FLT1: variants seen among roughly 807,000 people sequenced by gnomAD.
FLT1 encodes the protein vascular endothelial growth factor receptor 1.
A neutral mutation model predicts 156.3 loss-of-function variants in FLT1; 49 were observed. The ratio of observed to expected loss-of-function variants is 0.31; its 90% CI spans 0.25 to 0.40. FLT1 has a LOEUF of 0.40. Among genes scored for constraint, FLT1 ranks in the 10% least tolerant of loss-of-function variants. The pLI is 1.00. For missense variants in FLT1, 1,322 were observed against 1,637.2 expected, an observed-to-expected ratio of 0.81 and a Z score of 3.32; for synonymous variants, 594 against 583.8, an observed-to-expected ratio of 1.02 and a Z score of -0.25.
chr13:28,413,590 T>C (rs1207606829), intron 10 of FLT1, among the ~76,000 whole-genome samples: 1 of 152,142 alleles, frequency 6.6e-6, no homozygotes, highest in African/African-American at 2.4e-5. Context: ...GGAAGGGTGA[T>C]TTGAGAAATA....
chr13:28,393,508 G>A (rs1296308618), intron 12 of FLT1, among the ~76,000 whole-genome samples: 3 of 152,128 alleles, frequency 2.0e-5, no homozygotes, highest in South Asian at 2.1e-4. Context: ...GAGTCGAAGC[G>A]GTCAAGGATT....
Position 28,306,728 on chromosome 13 carries a change from C to T in FLT1, c.3765G>A (p.Leu1255=). 6 of 1,614,002 alleles carry T rather than the reference C, an allele frequency of 3.7e-6. No homozygotes were observed. Among genetic ancestry groups the T allele is most frequent in the Non-Finnish European group, 4.2e-6 (5 of 1,179,912 alleles). The change falls in exon 29 of 30, where the codon CTG becomes CTA. Residue 1255 remains leucine (L), a synonymous_variant. Transcript: ENST00000282397. ...DSSTLLASPM[L]KRFTWTDSKP... ...TGCTGTCAGTCCAGGTGAAGCGCTTCAGCATGGGAGAGGCCAACAGAGTGC... is the reference window on the plus strand; with the variant it reads ...TGCTGTCAGTCCAGGTGAAGCGCTTTAGCATGGGAGAGGCCAACAGAGTGC...
At chr13:28,395,685 C>T (rs568179892) in intron 12 of FLT1, among the ~76,000 whole-genome samples, 1 of 152,262 alleles carries the variant, frequency 6.6e-6, no homozygotes, top group Admixed American at 6.5e-5. Context: ...AAAGCAAGCT[C>T]ACCTGTCACA....
chr13:28,366,614 C>T (rs9513091), intron 14 of FLT1, among the ~76,000 whole-genome samples: 79,232 of 151,746 alleles, frequency 0.52, 22,879 homozygotes, highest in Middle Eastern at 0.64. Context: ...GGATTACAGG[C>T]GCCTGCCACC....
At chr13:28,335,276 T>C (rs1217221871) in intron 17 of FLT1, among the ~76,000 whole-genome samples, 1 of 152,120 alleles carries the variant, frequency 6.6e-6, no homozygotes, top group Non-Finnish European at 1.5e-5. Flanking sequence ...CACTGGTTGG[T>C]TAAAACTATT....
At chr13:28,330,588 C>CTA (rs3029492) in intron 18 of FLT1, among the ~76,000 whole-genome samples, 3,000 of 142,334 alleles carry the variant, frequency 0.021, 37 homozygotes, top group Non-Finnish European at 0.022. Context: ...ATCAGAGGTC[C>CTA]TATATATATA....
chr13:28,475,705 A>AAAAAGTT (rs1292105597), intron 1 of FLT1, among the ~76,000 whole-genome samples: 4 of 152,236 alleles, frequency 2.6e-5, no homozygotes, highest in African/African-American at 9.6e-5. Context: ...ACTTAATAAA[A>AAAAAGTT]AAAAGTTAAC....
At chr13:28,425,987 C>T (rs1242228180) in intron 10 of FLT1, among the ~76,000 whole-genome samples, 1 of 152,144 alleles carries the variant, frequency 6.6e-6, no homozygotes, top group South Asian at 2.1e-4. Flanking sequence ...CCAGGAATTC[C>T]ATAGCTCACC....
chr13:28,309,057 GC>G (rs1307972714), intron 27 of FLT1, 130 bp from the exon 28 acceptor site: 1 of 664,580 alleles, frequency 1.5e-6, no homozygotes, highest in African/African-American at 1.8e-5. Flanking sequence ...AACTCCTGAG[GC>G]CCCGATCTCC....
In FLT1 at chr13:28,375,882, T is replaced by C. The variant is rs960594863; in HGVS notation, c.2116+9003A>G. Reference sequence around the variant, plus strand: ...CTTCATTCATTGTGTACCGTAAGGATAGATTTCATGAGAAGGAAAAGGCAA... The same window carrying C: ...CTTCATTCATTGTGTACCGTAAGGACAGATTTCATGAGAAGGAAAAGGCAA... On this transcript the variant is annotated intron_variant, in intron 14 of 29. Transcript: ENST00000282397. Among the ~76,000 whole-genome samples the C allele has an allele frequency of 1.3e-3, 200 of 152,344 alleles. 4 individuals are homozygous for C. The highest frequency in any genetic ancestry group is 4.0e-4 in the Non-Finnish European group (27 of 68,034).
chr13:28,379,153 G>A (rs1873969273), intron 14 of FLT1, among the ~76,000 whole-genome samples: 1 of 152,058 alleles, frequency 6.6e-6, no homozygotes, highest in Non-Finnish European at 1.5e-5. Context: ...GACCAGCCTG[G>A]CCAACATGGT....
intron 3 of FLT1, among the ~76,000 whole-genome samples, chr13:28,440,557 G>A (rs1451116531): frequency 1.3e-5 from 2 of 152,198 alleles, no homozygotes; most frequent in African/African-American, 4.8e-5. Flanking sequence ...GTACTGCATA[G>A]TGTTGGAGAA....
intron 3 of FLT1, among the ~76,000 whole-genome samples, chr13:28,453,374 C>T (rs970118762): frequency 1.2e-4 from 18 of 152,064 alleles, no homozygotes; most frequent in African/African-American, 4.1e-4. Context: ...CTACCTGCCT[C>T]GGCCTCCCCA....
At chr13:28,395,091 T>C (rs963442131) in intron 12 of FLT1, among the ~76,000 whole-genome samples, 1 of 152,166 alleles carries the variant, frequency 6.6e-6, no homozygotes, top group African/African-American at 2.4e-5. Flanking sequence ...GCTGCCACAA[T>C]CTGCTCTGGA....
chr13:28,451,562 G>C (rs1878939051), intron 3 of FLT1, among the ~76,000 whole-genome samples: 1 of 152,234 alleles, frequency 6.6e-6, no homozygotes, highest in Non-Finnish European at 1.5e-5. Context: ...TGGGGACAGT[G>C]GGTTTTCCGA....
chr13:28,437,720 A>C (rs1465109130), intron 4 of FLT1, among the ~76,000 whole-genome samples: 1 of 152,126 alleles, frequency 6.6e-6, no homozygotes, highest in African/African-American at 2.4e-5. Context: ...CTAAGAGATG[A>C]AGTTTGGGTG....
intron 12 of FLT1, among the ~76,000 whole-genome samples, chr13:28,394,853 G>T (rs1402158849): frequency 2.6e-5 from 4 of 152,130 alleles, no homozygotes; most frequent in Non-Finnish European, 5.9e-5. Context: ...CTGCTTCTAG[G>T]TTGGCTCTTC....
rs180771119 is a variant in FLT1 at position 28,434,240 on chromosome 13, C to T, written c.514-20G>A. The T allele has an allele frequency of 1.8e-4, 290 of 1,612,876 alleles. No individual in the cohort carries two copies. In the African/African-American group the frequency reaches 3.0e-3, roughly 17 times the overall value. Reference sequence around the variant, plus strand: ...TGGAAACTGAAAAGGAAGAGGCATGCATTAACAAGGTCCTATTAGCACTGG... The same window carrying T: ...TGGAAACTGAAAAGGAAGAGGCATGTATTAACAAGGTCCTATTAGCACTGG... On this transcript the variant is annotated intron_variant, in intron 4 of 29. Transcript: ENST00000282397.
At chr13:28,429,826 G>C (rs1474793580) in intron 8 of FLT1, among the ~76,000 whole-genome samples, 1 of 152,086 alleles carries the variant, frequency 6.6e-6, no homozygotes, top group African/African-American at 2.4e-5. Flanking sequence ...AGACTGAAGC[G>C]AGCACTCAAA....
Sources: allele counts gnomAD v4.1 joint callset (sites outside exome capture counted in the v4.1 genomes callset), GRCh38; gene constraint gnomAD v4.1.1; transcripts MANE v1.5; gene names NCBI Gene and HGNC (gene_info 2026-07-23, HGNC 2026-07-21).